ZMAT4: variants seen among roughly 807,000 people sequenced by gnomAD.
The protein encoded by ZMAT4 is zinc finger matrin-type 4, also known as zinc finger matrin-type protein 4.
In ZMAT4, 17 loss-of-function variants were observed where a neutral mutation model predicts 28.7. The observed-to-expected ratio is 0.59, with a 90% confidence interval of 0.41 to 0.89. ZMAT4 has a LOEUF of 0.89. Ranked by LOEUF, ZMAT4 falls within the 40% of genes least tolerant of loss-of-function variation. The pLI is 0.00. For missense variants in ZMAT4, 240 were observed against 283.8 expected (o/e 0.85, Z 1.11); for synonymous variants, 117 against 109.2 (o/e 1.07, Z -0.44).
chr8:40,698,783 T>C lies in ZMAT4; in HGVS notation c.193-1382A>G, dbSNP rs145465553. ...TCATCCTTGGAAGGAAGGGGTTGTG[T>C]GTGTGTCCCAGGAGCAGGAGGCTTG... On this transcript the variant is annotated intron_variant, in intron 3 of 6. Coordinates refer to ENST00000297737, the MANE Select transcript of ZMAT4 (RefSeq NM_024645.3). 1.8e-4 allele frequency among the ~76,000 whole-genome samples: 28 copies of C among 152,214 alleles called. No homozygotes were observed. The East Asian group carries it at 5.2e-3, about 28-fold the overall frequency.
chr8:40,773,393 G>A (rs1813463455), intron 2 of ZMAT4, among the ~76,000 whole-genome samples: 1 of 152,082 alleles, frequency 6.6e-6, no homozygotes, highest in African/African-American at 2.4e-5. Context: ...AATCAAATCA[G>A]AAGATTCTAA....
At chr8:40,603,418 G>C (rs1452503795) in intron 5 of ZMAT4, among the ~76,000 whole-genome samples, 1 of 151,928 alleles carries the variant, frequency 6.6e-6, no homozygotes, top group African/African-American at 2.4e-5. Flanking sequence ...CTCTTTTTTT[G>C]GTTCTGTATG....
chr8:40,706,219 A>AT (rs774823260), intron 3 of ZMAT4, among the ~76,000 whole-genome samples: 45 of 151,880 alleles, frequency 3.0e-4, no homozygotes, highest in Non-Finnish European at 5.4e-4. Flanking sequence ...TGTCCAACTA[A>AT]TTTTTTGTAT....
chr8:40,659,188 C>G (rs1458782609), intron 5 of ZMAT4, among the ~76,000 whole-genome samples: 1 of 152,138 alleles, frequency 6.6e-6, no homozygotes, highest in Non-Finnish European at 1.5e-5. Flanking sequence ...CACTAAATAA[C>G]CTTTACATCT....
chr8:40,754,525 A>G (rs1229402148), intron 3 of ZMAT4, among the ~76,000 whole-genome samples: 1 of 152,194 alleles, frequency 6.6e-6, no homozygotes, highest in South Asian at 2.1e-4. Context: ...GTTTCCACCA[A>G]TGACGAGTTC....
intron 1 of ZMAT4, among the ~76,000 whole-genome samples, chr8:40,827,228 T>A (rs1011935702): frequency 6.6e-6 from 1 of 152,086 alleles, no homozygotes; most frequent in African/African-American, 2.4e-5. Context: ...CATATAAAAA[T>A]TGAGATAATA....
At position 40,674,693 on chromosome 8, in the gene ZMAT4, G is replaced by A. The variant is rs1808833023; in HGVS notation, c.577+11C>T. The A allele has an allele frequency of 1.9e-6, 3 of 1,608,694 alleles. No individual in the cohort carries two copies. The highest frequency in any genetic ancestry group is 1.7e-5 in the Admixed American group (1 of 59,948). On this transcript the variant is annotated intron_variant, in intron 5 of 6. Transcript: ENST00000297737. ...CAGTTTTGTGGCAGAAGTGAGAAGA[G>A]CTGCCCTTACCTCTCAGTTCCCCCA...
At chr8:40,803,169 A>AT (rs1814926026) in intron 2 of ZMAT4, among the ~76,000 whole-genome samples, 1 of 152,168 alleles carries the variant, frequency 6.6e-6, no homozygotes, top group African/African-American at 2.4e-5. Context: ...ACCAGTGATA[A>AT]TTTTTTAGTT....
At chr8:40,550,700 C>T (rs954141703) in intron 6 of ZMAT4, among the ~76,000 whole-genome samples, 3 of 152,122 alleles carry the variant, frequency 2.0e-5, no homozygotes, top group African/African-American at 7.2e-5. Context: ...TCCTGCTGCC[C>T]TGTGAGGAAG....
At chr8:40,635,255 T>C (rs1166621503) in intron 5 of ZMAT4, among the ~76,000 whole-genome samples, 1 of 152,094 alleles carries the variant, frequency 6.6e-6, no homozygotes, top group Non-Finnish European at 1.5e-5. Context: ...TTTCAGTGAG[T>C]CTTAGTCATT....
At chr8:40,544,959 G>A (rs535317353) in intron 6 of ZMAT4, among the ~76,000 whole-genome samples, 12 of 152,170 alleles carry the variant, frequency 7.9e-5, no homozygotes, top group African/African-American at 2.2e-4. Flanking sequence ...CATATGAATC[G>A]TATTATTATT....
intron 2 of ZMAT4, among the ~76,000 whole-genome samples, chr8:40,770,571 A>G (rs1813349046): frequency 8.5e-6 from 1 of 117,702 alleles, no homozygotes; most frequent in Non-Finnish European, 1.7e-5. Context: ...TTTTTGTGAC[A>G]GAGTCTCGTT....
At chr8:40,646,813 A>C (rs549328351) in intron 5 of ZMAT4, among the ~76,000 whole-genome samples, 1 of 152,372 alleles carries the variant, frequency 6.6e-6, no homozygotes, top group African/African-American at 2.4e-5. Flanking sequence ...AAGATCAACA[A>C]GAAATAAAAG....
At chr8:40,716,293 G>T (rs1360585004) in intron 3 of ZMAT4, among the ~76,000 whole-genome samples, 1 of 152,160 alleles carries the variant, frequency 6.6e-6, no homozygotes, top group African/African-American at 2.4e-5. Context: ...TCAGAAATAT[G>T]GGGAGGGGAT....
At chr8:40,631,513 AG>A (rs78083042) in intron 5 of ZMAT4, among the ~76,000 whole-genome samples, 85,510 of 151,936 alleles carry the variant, frequency 0.56, 25,231 homozygotes, top group East Asian at 0.69. Flanking sequence ...GGCTTAGAAA[AG>A]CTGAGCAACT....
At chr8:40,733,652 T>C (rs72641505) in intron 3 of ZMAT4, among the ~76,000 whole-genome samples, 9,908 of 152,154 alleles carry the variant, frequency 0.065, 389 homozygotes, top group African/African-American at 0.081. Context: ...AGGCACTGCT[T>C]TCAGATTTCA....
At chr8:40,559,756 C>G (rs868677492) in intron 6 of ZMAT4, among the ~76,000 whole-genome samples, 5 of 152,140 alleles carry the variant, frequency 3.3e-5, no homozygotes, top group African/African-American at 1.2e-4. Flanking sequence ...CAAACAAACA[C>G]AAAAACACAC....
intron 5 of ZMAT4, among the ~76,000 whole-genome samples, chr8:40,632,629 C>G (rs981430514): frequency 1.8e-4 from 28 of 152,044 alleles, no homozygotes; most frequent in African/African-American, 6.8e-4. Flanking sequence ...AGCTGTGAGC[C>G]AAGGAAAGCC....
chr8:40,786,645 A>G (rs2150575662), intron 2 of ZMAT4: 1 of 1,243,394 alleles, frequency 8.0e-7, no homozygotes, highest in Admixed American at 2.5e-5. Flanking sequence ...GTGAACATCC[A>G]TTCATTAACC....
Sources: allele counts gnomAD v4.1 joint callset (sites outside exome capture counted in the v4.1 genomes callset), GRCh38; gene constraint gnomAD v4.1.1; transcripts MANE v1.5; gene names NCBI Gene and HGNC (gene_info 2026-07-23, HGNC 2026-07-21).